GAS7: variants seen among roughly 807,000 people sequenced by gnomAD.
GAS7 encodes the protein growth arrest-specific protein 7.
A neutral mutation model predicts 71.1 loss-of-function variants in GAS7; 28 were observed. The observed-to-expected ratio is 0.39, with a 90% CI of 0.29 to 0.54. GAS7 has a LOEUF of 0.54. Ranked by LOEUF, GAS7 falls within the 20% of genes least tolerant of loss-of-function variation. The pLI, the probability that GAS7 is intolerant of heterozygous loss-of-function variation, is 0.62. For synonymous variants in GAS7, 258 were observed against 245.8 expected, an observed-to-expected ratio of 1.05 and a Z score of -0.46; for missense variants, 436 against 627.8, an observed-to-expected ratio of 0.69 and a Z score of 3.27.
rs1389522187 is a variant in GAS7 at position 9,959,357 on chromosome 17, G to C, written c.472-102C>G. The C allele has an allele frequency of 6.3e-7, 1 of 1,574,990 alleles. No individual in the cohort carries two copies. The highest frequency in any genetic ancestry group is 8.6e-7 in the Non-Finnish European group (1 of 1,159,130). ...AGGGTGGAGGCGCTGGGGAATCAGG[G>C]ATGCTCAGTCTGAATCCTAAGTCAC... On this transcript the variant is annotated intron_variant, in intron 4 of 13. Coordinates refer to ENST00000432992, the MANE Select transcript of GAS7 (RefSeq NM_201433.2). The surrounding 1 kb of genome is among the most constrained non-coding windows in gnomAD (Gnocchi z 5.0).
intron 3 of GAS7, among the ~76,000 whole-genome samples, chr17:9,975,310 C>A (rs880556): frequency 2.0e-5 from 3 of 151,872 alleles, no homozygotes; most frequent in African/African-American, 7.3e-5. Context: ...AGCCAAGATC[C>A]TGGCATTGCA....
chr17:9,990,457 C>T (rs1359895304), intron 2 of GAS7, among the ~76,000 whole-genome samples: 2 of 152,040 alleles, frequency 1.3e-5, no homozygotes, highest in Non-Finnish European at 2.9e-5. Flanking sequence ...ATGACTGCCA[C>T]AATCTATTAG....
chr17:10,101,691 C>T (rs779206181), intron 1 of GAS7, among the ~76,000 whole-genome samples: 33 of 152,336 alleles, frequency 2.2e-4, no homozygotes, highest in East Asian at 1.9e-4. Flanking sequence ...CAGGGTCCCT[C>T]GGACTTTACC....
In GAS7 at chr17:10,170,282, T is replaced by C. The variant is rs2074326654; in HGVS notation, c.183+27926A>G. 2.0e-5 allele frequency among the ~76,000 whole-genome samples: 3 copies of C among 152,112 alleles called. No individual in the cohort carries two copies. In the South Asian group the frequency reaches 6.2e-4, roughly 32 times the overall value. ...ACTCAGGGTAAATGTCAGATCCTTG[T>C]GAGGGTCTCAAAAGCCCTCGTGCTT... On this transcript the variant is annotated intron_variant, in intron 1 of 13. Transcript: ENST00000432992.
At chr17:10,166,023 T>C (rs529753932) in intron 1 of GAS7, among the ~76,000 whole-genome samples, 32 of 151,166 alleles carry the variant, frequency 2.1e-4, no homozygotes, top group African/African-American at 6.8e-4. Flanking sequence ...TTTTTTTTTT[T>C]TTCTTTTTCT....
chr17:10,084,090 C>T (rs1033388556), intron 1 of GAS7, among the ~76,000 whole-genome samples: 19 of 152,172 alleles, frequency 1.2e-4, no homozygotes, highest in Non-Finnish European at 5.9e-5. Context: ...ATTGCTTAAA[C>T]CTGGGTGGTG....
chr17:10,067,712 C>A (rs1052949338), intron 1 of GAS7, among the ~76,000 whole-genome samples: 2 of 152,204 alleles, frequency 1.3e-5, no homozygotes, highest in African/African-American at 4.8e-5. Flanking sequence ...CCTAGTCCCC[C>A]TACACCATGA....
intron 1 of GAS7, among the ~76,000 whole-genome samples, chr17:10,042,887 C>T (rs559162688): frequency 7.2e-5 from 11 of 152,288 alleles, no homozygotes; most frequent in African/African-American, 2.6e-4. Flanking sequence ...GACAGAAGTT[C>T]GAACCAGTAA....
At position 10,036,725 on chromosome 17, in the gene GAS7, G is replaced by A. The variant is rs553973387; in HGVS notation, c.184-16828C>T. ...GCTGGGAAATTAACAACTTGTTCTG[G>A]ACTTTCCAGATGCAATGTTTCTGGA... On this transcript the variant is annotated intron_variant, in intron 1 of 13. Transcript: ENST00000432992. 1.1e-5 allele frequency: 14 copies of A among 1,265,558 alleles called. No homozygotes were observed. In the African/African-American group the frequency reaches 1.8e-4, roughly 17 times the overall value. 78.4% of individuals were successfully genotyped at this position (1,265,558 alleles called of 1,614,324 possible).
intron 4 of GAS7, among the ~76,000 whole-genome samples, chr17:9,962,472 A>G (rs2069538056): frequency 1.3e-5 from 2 of 152,238 alleles, no homozygotes; most frequent in Admixed American, 1.3e-4. Flanking sequence ...AGATAACAAA[A>G]GAACATAAAC....
chr17:9,925,463 G>A lies in GAS7; in HGVS notation c.1138+13C>T, dbSNP rs1395827810. 1 of 1,613,688 alleles carries A rather than the reference G, an allele frequency of 6.2e-7. No homozygotes were observed. The highest frequency in any genetic ancestry group is 8.5e-7 in the Non-Finnish European group (1 of 1,179,810). On this transcript the variant is annotated intron_variant, in intron 11 of 13. Coordinates refer to ENST00000432992, the MANE Select transcript of GAS7 (RefSeq NM_201433.2). ...TGTGCACTGACCAGGCCAGGCGGGT[G>A]CCCAGCACTTACCAGCCTGTGTGGA...
intron 1 of GAS7, among the ~76,000 whole-genome samples, chr17:10,194,692 G>A (rs887977067): frequency 6.6e-5 from 10 of 151,918 alleles, no homozygotes; most frequent in African/African-American, 1.7e-4. Flanking sequence ...AAGACTTCTC[G>A]GCCGGGCACA....
rs569290813 is a variant in GAS7, at chr17:9,914,939, C to T, written c.*2289G>A. Reference sequence around the variant, plus strand: ...TGCCAAGGTTGCTGACCGGTAAGACCCCTGAAAACGAGCGATCACGGGCTT... The same window carrying T: ...TGCCAAGGTTGCTGACCGGTAAGACTCCTGAAAACGAGCGATCACGGGCTT... On this transcript the variant is annotated 3_prime_UTR_variant, in exon 14 of 14. Coordinates refer to ENST00000432992, the MANE Select transcript of GAS7 (RefSeq NM_201433.2). 1 of 232,538 alleles carries T rather than the reference C, an allele frequency of 4.3e-6. No homozygotes were observed. Among genetic ancestry groups the T allele is most frequent in the South Asian group, 1.8e-4 (1 of 5,506 alleles). The allele number at this position is 232,538 out of a possible 1,614,324, so 14.4% of individuals were successfully genotyped here. A position where few individuals can be genotyped will look rare whatever the true frequency, so the allele number is the denominator to read the frequency against.
At chr17:10,050,156 T>A (rs6503281) in intron 1 of GAS7, among the ~76,000 whole-genome samples, 32,867 of 152,084 alleles carry the variant, frequency 0.22, 3,947 homozygotes, top group African/African-American at 0.33. Context: ...CTTACTAAAA[T>A]TATTTAAACA....
intron 1 of GAS7, among the ~76,000 whole-genome samples, chr17:10,063,043 C>A (rs1207292281): frequency 6.6e-6 from 1 of 152,246 alleles, no homozygotes; most frequent in Non-Finnish European, 1.5e-5. Flanking sequence ...CAAAGGCAAC[C>A]CTTGCCTCGC....
intron 6 of GAS7, among the ~76,000 whole-genome samples, chr17:9,946,551 G>A (rs1225941224): frequency 1.3e-5 from 2 of 152,204 alleles, no homozygotes; most frequent in East Asian, 1.9e-4. Context: ...CGTCACTCAC[G>A]TAAGTGACAA....
intron 1 of GAS7, among the ~76,000 whole-genome samples, chr17:10,077,890 G>A (rs1053636309): frequency 2.6e-5 from 4 of 152,178 alleles, no homozygotes; most frequent in African/African-American, 9.7e-5. Flanking sequence ...GAAATAGGAT[G>A]ATGGTGAAGG....
At chr17:9,990,336 G>A (rs951287065) in intron 2 of GAS7, among the ~76,000 whole-genome samples, 6 of 152,190 alleles carry the variant, frequency 3.9e-5, no homozygotes, top group African/African-American at 9.7e-5. Flanking sequence ...TCCTTGCCAC[G>A]GGCTCTGCAC....
intron 2 of GAS7, among the ~76,000 whole-genome samples, chr17:9,984,575 T>C (rs749627745): frequency 2.0e-5 from 3 of 152,164 alleles, no homozygotes; most frequent in Non-Finnish European, 2.9e-5. Context: ...CAGGAAGCCT[T>C]GGAGAACTTA....
Sources: gnomAD v4.1 joint callset for allele counts (sites outside exome capture counted in the v4.1 genomes callset) on GRCh38, gnomAD v4.1.1 for gene constraint, Gnocchi (gnomAD v3.1) non-coding constraint, MANE v1.5 for transcripts, NCBI Gene and HGNC (gene_info 2026-07-23, HGNC 2026-07-21) for gene names.